Variants in ARHGAP18 observed in about 807,000 individuals in gnomAD.
ARHGAP18 encodes Rho GTPase activating protein 18, also known as rho GTPase-activating protein 18.
In ARHGAP18, 67 loss-of-function variants were observed where a neutral mutation model predicts 86.2. The ratio of observed to expected loss-of-function variants is 0.78; its 90% CI spans 0.64 to 0.95. The LOEUF (loss-of-function observed/expected upper bound fraction) is 0.95, where lower values mean the gene tolerates loss of function less well. Among genes scored for constraint, ARHGAP18 ranks in the 40% least tolerant of loss-of-function variants. The pLI is 0.00. For missense variants in ARHGAP18, 691 were observed against 780.4 expected (o/e 0.89, Z 1.37); for synonymous variants, 283 against 280.4 (o/e 1.01, Z -0.09).
At chr6:129,594,156 G>A (rs1788570899) in intron 12 of ARHGAP18, among the ~76,000 whole-genome samples, 1 of 152,018 alleles carries the variant, frequency 6.6e-6, no homozygotes, top group Non-Finnish European at 1.5e-5. Context: ...ATGATCTATA[G>A]TCTCTTTCAC....
chr6:129,614,248 T>C (rs1789044907), intron 7 of ARHGAP18, among the ~76,000 whole-genome samples: 1 of 152,200 alleles, frequency 6.6e-6, no homozygotes, highest in Admixed American at 6.5e-5. Flanking sequence ...AAATCAGTCG[T>C]TTCTAATTTT....
intron 1 of ARHGAP18, among the ~76,000 whole-genome samples, chr6:129,680,126 A>G (rs1774300496): frequency 6.6e-6 from 1 of 152,192 alleles, no homozygotes; most frequent in Admixed American, 6.5e-5. Flanking sequence ...ACTTAATCAC[A>G]TCTGCAAAGA....
At chr6:129,614,328 T>C (rs1448932878) in intron 7 of ARHGAP18, among the ~76,000 whole-genome samples, 1 of 152,214 alleles carries the variant, frequency 6.6e-6, no homozygotes, top group East Asian at 1.9e-4. Context: ...TTTTTTGTGA[T>C]AGATCACTGT....
chr6:129,613,336 G>T (rs749701276), intron 7 of ARHGAP18, among the ~76,000 whole-genome samples: 1 of 151,878 alleles, frequency 6.6e-6, no homozygotes. Context: ...AATTTTAGGC[G>T]AATTATTTTA....
chr6:129,700,672 G>A (rs1000220847), intron 1 of ARHGAP18, among the ~76,000 whole-genome samples: 2 of 152,176 alleles, frequency 1.3e-5, no homozygotes, highest in East Asian at 1.9e-4. Context: ...TCGAAAACAC[G>A]TACTTTATGT....
chr6:129,591,024 T>C (rs1788502055), intron 12 of ARHGAP18, among the ~76,000 whole-genome samples: 1 of 152,192 alleles, frequency 6.6e-6, no homozygotes, highest in Admixed American at 6.5e-5. Flanking sequence ...TTTTGCTGGA[T>C]ATCTTGACAA....
At position 129,638,864 on chromosome 6, in the gene ARHGAP18, C is replaced by T. The variant is rs1773388606; in HGVS notation, c.317-235G>A. Among the ~76,000 whole-genome samples the T allele has an allele frequency of 2.0e-5, 3 of 152,144 alleles. No individual in the cohort carries two copies. In the South Asian group the frequency reaches 6.2e-4, roughly 31 times the overall value. On this transcript the variant is annotated intron_variant, in intron 2 of 14. Coordinates refer to ENST00000368149, the MANE Select transcript of ARHGAP18 (RefSeq NM_033515.3). ...TTAAATGACTTCACATGTAATTAAC[C>T]TCTATAACTTCCCTGCAGATTAACC...
At chr6:129,654,644 G>T (rs1025258938) in intron 1 of ARHGAP18, among the ~76,000 whole-genome samples, 1 of 152,184 alleles carries the variant, frequency 6.6e-6, no homozygotes, top group Non-Finnish European at 1.5e-5. Context: ...TACAGCCAAC[G>T]CTGTCTTGGC....
chr6:129,695,974 A>C (rs1774610177), intron 1 of ARHGAP18, among the ~76,000 whole-genome samples: 2 of 152,164 alleles, frequency 1.3e-5, no homozygotes, highest in South Asian at 4.1e-4. Context: ...AGTGAGGTGA[A>C]AGTTTCTAAA....
At position 129,643,293 on chromosome 6, in the gene ARHGAP18, C is replaced by A. The variant is rs138305076; in HGVS notation, c.114-1275G>T. The stretch of plus-strand genomic sequence containing the variant: ...TAAGCCCCATGAGTCCTGGGGGGAC[C>A]CAACAGGAGGTAATTTAATCATGGG... On this transcript the variant is annotated intron_variant, in intron 1 of 14. Coordinates refer to ENST00000368149, the MANE Select transcript of ARHGAP18 (RefSeq NM_033515.3). Among the ~76,000 whole-genome samples, 511 of 152,086 alleles carry A rather than the reference C, an allele frequency of 3.4e-3. 3 individuals are homozygous for A. The highest frequency in any genetic ancestry group is 0.011 in the African/African-American group (473 of 41,464).
At chr6:129,676,923 T>C (rs1262417841) in intron 1 of ARHGAP18, among the ~76,000 whole-genome samples, 2 of 97,952 alleles carry the variant, frequency 2.0e-5, no homozygotes, top group African/African-American at 3.8e-5. Flanking sequence ...CTCTTTTTTT[T>C]TTTTTTTTTT....
chr6:129,702,717 G>A (rs1584123622), intron 1 of ARHGAP18, among the ~76,000 whole-genome samples: 1 of 152,140 alleles, frequency 6.6e-6, no homozygotes, highest in Non-Finnish European at 1.5e-5. Flanking sequence ...AGAGGCAGGA[G>A]GGCCAGGCAC....
chr6:129,611,626 G>A lies in ARHGAP18; in HGVS notation c.1045-16C>T. On this transcript the variant is annotated splice_polypyrimidine_tract_variant and intron_variant, in intron 7 of 14. Transcript: ENST00000368149. Reference sequence around the variant, plus strand: ...GAGAAATCAGCTGTGCATAAACAGAGAAACATTCTAATTTCCGTATTTGTA... The same window carrying A: ...GAGAAATCAGCTGTGCATAAACAGAAAAACATTCTAATTTCCGTATTTGTA... 2 of 1,609,334 alleles carry A rather than the reference G, an allele frequency of 1.2e-6. No homozygotes were observed. Among genetic ancestry groups the A allele is most frequent in the Non-Finnish European group, 1.7e-6 (2 of 1,176,366 alleles).
chr6:129,632,236 G>C (rs1773234075), intron 4 of ARHGAP18, among the ~76,000 whole-genome samples: 1 of 152,206 alleles, frequency 6.6e-6, no homozygotes, highest in African/African-American at 2.4e-5. Context: ...GGAATACTCA[G>C]TGACTTGGAT....
At chr6:129,626,672 T>TAC (rs66753341) in intron 5 of ARHGAP18, among the ~76,000 whole-genome samples, 23,159 of 147,016 alleles carry the variant, frequency 0.16, 2,143 homozygotes, top group East Asian at 0.35. Context: ...CACACACACA[T>TAC]ACACACACAC....
At chr6:129,599,036 G>C in intron 12 of ARHGAP18, 180 bp downstream of exon 12, 1 of 489,922 alleles carries the variant, frequency 2.0e-6, no homozygotes, top group Non-Finnish European at 3.4e-6. Flanking sequence ...CTGACCAACT[G>C]TCAATACTGA....
chr6:129,644,975 G>A (rs1166315282), intron 1 of ARHGAP18, among the ~76,000 whole-genome samples: 1 of 152,138 alleles, frequency 6.6e-6, no homozygotes, highest in East Asian at 1.9e-4. Context: ...AAAATACTGA[G>A]TCATGGAAAA....
intron 12 of ARHGAP18, among the ~76,000 whole-genome samples, chr6:129,589,143 T>G (rs934027208): frequency 6.6e-6 from 1 of 152,210 alleles, no homozygotes; most frequent in Non-Finnish European, 1.5e-5. Flanking sequence ...TGATTAACAT[T>G]TAGCTCCTTG....
In ARHGAP18 at chr6:129,625,655, TTA is replaced by T. The variant is rs1275293810; in HGVS notation, c.786+3696_786+3697del. Among the ~76,000 whole-genome samples, 58 of 77,618 alleles carry T rather than the reference TTA, an allele frequency of 7.5e-4. 15 individuals are homozygous for T. The highest frequency in any genetic ancestry group is 1.0e-3 in the Non-Finnish European group (47 of 45,554). The allele number at this position is 77,618 out of a possible 152,430, so 50.9% of individuals were successfully genotyped here. ...TATATTTATATTATATATTTATATA[TTA>T]TATATATTTATATTATATTATATAT... On this transcript the variant is annotated intron_variant, in intron 5 of 14. Coordinates refer to ENST00000368149, the MANE Select transcript of ARHGAP18 (RefSeq NM_033515.3).
Sources: gnomAD v4.1 joint callset for allele counts (sites outside exome capture counted in the v4.1 genomes callset) on GRCh38, gnomAD v4.1.1 for gene constraint, MANE v1.5 for transcripts, NCBI Gene and HGNC (gene_info 2026-07-23, HGNC 2026-07-21) for gene names.